COMMD10: variants seen among roughly 807,000 people sequenced by gnomAD.
COMMD10 encodes the protein COMM domain-containing protein 10.
COMMD10 carries 33 observed loss-of-function variants against 28.9 expected under a neutral mutation model. The ratio of observed to expected loss-of-function variants is 1.14; its 90% CI spans 0.87 to 1.53. COMMD10 has a LOEUF of 1.53. Among genes scored for constraint, COMMD10 ranks in the 40% most tolerant of loss-of-function variants. COMMD10 has a pLI of 0.00. For synonymous variants in COMMD10, 110 were observed against 81.7 expected, an observed-to-expected ratio of 1.35 and a Z score of -1.87; for missense variants, 310 against 233.4, an observed-to-expected ratio of 1.33 and a Z score of -2.14.
intron 5 of COMMD10, among the ~76,000 whole-genome samples, chr5:116,164,104 G>A (rs917879212): frequency 5.3e-5 from 8 of 152,092 alleles, no homozygotes; most frequent in African/African-American, 1.9e-4. Flanking sequence ...ATCACCTGAC[G>A]TCAGGAGTTC....
intron 4 of COMMD10, among the ~76,000 whole-genome samples, chr5:116,095,036 G>A (rs1316607868): frequency 6.6e-6 from 1 of 152,168 alleles, no homozygotes; most frequent in African/African-American, 2.4e-5. Context: ...TGTGGGGTCG[G>A]AGGGTGGATG....
At chr5:116,271,944 A>G (rs1750771482) in intron 5 of COMMD10, among the ~76,000 whole-genome samples, 1 of 151,878 alleles carries the variant, frequency 6.6e-6, no homozygotes, top group South Asian at 2.1e-4. Context: ...CAGATCTGAC[A>G]TGAAAGTAAA....
chr5:116,099,367 G>T (rs1750577029), intron 4 of COMMD10, among the ~76,000 whole-genome samples: 1 of 152,156 alleles, frequency 6.6e-6, no homozygotes, highest in Non-Finnish European at 1.5e-5. Context: ...CACTTAGGTT[G>T]TTTCCTTATC....
chr5:116,126,912 A>G (rs994389675), intron 4 of COMMD10, among the ~76,000 whole-genome samples: 2 of 152,264 alleles, frequency 1.3e-5, no homozygotes, highest in Non-Finnish European at 2.9e-5. Flanking sequence ...AACAAAAGCC[A>G]AAATTGACTG....
At chr5:116,121,030 C>G (rs545979832) in intron 4 of COMMD10, among the ~76,000 whole-genome samples, 1 of 152,120 alleles carries the variant, frequency 6.6e-6, no homozygotes, top group African/African-American at 2.4e-5. Flanking sequence ...ATATGCACAA[C>G]GTGCAGGTTT....
chr5:116,272,017 T>C (rs968120143), intron 5 of COMMD10, among the ~76,000 whole-genome samples: 3 of 151,810 alleles, frequency 2.0e-5, no homozygotes, highest in African/African-American at 7.3e-5. Flanking sequence ...TATTCAGTCC[T>C]CTGTGAAATA....
chr5:116,196,133 A>G (rs935410774), intron 5 of COMMD10, among the ~76,000 whole-genome samples: 6 of 152,218 alleles, frequency 3.9e-5, no homozygotes, highest in Non-Finnish European at 7.3e-5. Flanking sequence ...ACACTTGCAA[A>G]CACGCATGTT....
chr5:116,179,897 C>G (rs533461226), intron 5 of COMMD10, among the ~76,000 whole-genome samples: 2 of 151,836 alleles, frequency 1.3e-5, no homozygotes, highest in East Asian at 3.9e-4. Context: ...AATGATTGGA[C>G]GAGATGGCAG....
chr5:116,146,144 G>C (rs907955616), intron 5 of COMMD10, among the ~76,000 whole-genome samples: 8 of 151,838 alleles, frequency 5.3e-5, no homozygotes, highest in African/African-American at 1.5e-4. Context: ...TGTAAAACTT[G>C]AAAGCTGGTC....
At chr5:116,211,123 G>T (rs923389179) in intron 5 of COMMD10, among the ~76,000 whole-genome samples, 5 of 151,988 alleles carry the variant, frequency 3.3e-5, no homozygotes, top group African/African-American at 1.2e-4. Flanking sequence ...ACCAATAAGG[G>T]ATGGTTATAT....
intron 5 of COMMD10, among the ~76,000 whole-genome samples, chr5:116,233,689 G>A (rs1749585836): frequency 6.6e-6 from 1 of 152,118 alleles, no homozygotes; most frequent in Non-Finnish European, 1.5e-5. Context: ...GAACATTCCA[G>A]GTAAAGAAAT....
chr5:116,179,334 G>A (rs1351971389), intron 5 of COMMD10, among the ~76,000 whole-genome samples: 2 of 152,058 alleles, frequency 1.3e-5, no homozygotes, highest in African/African-American at 4.8e-5. Flanking sequence ...ACAAAAGTCT[G>A]GACTAGCTGT....
At chr5:116,208,327 C>T (rs1344812792) in intron 5 of COMMD10, among the ~76,000 whole-genome samples, 3 of 151,994 alleles carry the variant, frequency 2.0e-5, no homozygotes, top group Non-Finnish European at 2.9e-5. Flanking sequence ...CCTCTGTTCA[C>T]CTCCCCCCAC....
chr5:116,101,328 A>G (rs1295442620), intron 4 of COMMD10, among the ~76,000 whole-genome samples: 10 of 152,160 alleles, frequency 6.6e-5, no homozygotes, highest in Non-Finnish European at 1.5e-4. Context: ...ACTGTTTTCC[A>G]TAGAGTTCCC....
chr5:116,221,185 G>A (rs964633844), intron 5 of COMMD10, among the ~76,000 whole-genome samples: 1 of 151,416 alleles, frequency 6.6e-6, no homozygotes, highest in South Asian at 2.1e-4. Context: ...CTGGTCTGAC[G>A]GTGAGCTGTC....
In COMMD10 at chr5:116,214,769, C is replaced by T. The variant is rs144405776; in HGVS notation, c.511-76748C>T. On this transcript the variant is annotated intron_variant, in intron 5 of 6. Transcript: ENST00000274458. ...AGTATACATTAACATAGGAAATATA[C>T]CCATTTAAATGTCTGCTACATTGTT... Among the ~76,000 whole-genome samples, 1,443 of 152,158 alleles carry T rather than the reference C, an allele frequency of 9.5e-3. 17 individuals are homozygous for T. Among genetic ancestry groups the T allele is most frequent in the Middle Eastern group, 0.034 (10 of 294 alleles).
intron 5 of COMMD10, among the ~76,000 whole-genome samples, chr5:116,268,096 A>G (rs911596108): frequency 5.9e-5 from 9 of 151,904 alleles, no homozygotes; most frequent in East Asian, 1.9e-4. Flanking sequence ...AAAATTGACA[A>G]ATGGGATCTA....
intron 5 of COMMD10, among the ~76,000 whole-genome samples, chr5:116,202,851 A>G (rs947783345): frequency 1.3e-5 from 2 of 151,876 alleles, no homozygotes. Flanking sequence ...GTTCACTCCG[A>G]TGGTAGTTTC....
At chr5:116,196,957 A>G (rs574309294) in intron 5 of COMMD10, among the ~76,000 whole-genome samples, 2 of 152,286 alleles carry the variant, frequency 1.3e-5, no homozygotes, top group Admixed American at 1.3e-4. Context: ...ATGTATTCCT[A>G]TCTTTCAGTA....
Sources: allele counts gnomAD v4.1 joint callset (sites outside exome capture counted in the v4.1 genomes callset), GRCh38; gene constraint gnomAD v4.1.1; transcripts MANE v1.5; gene names NCBI Gene and HGNC (gene_info 2026-07-23, HGNC 2026-07-21).